CYP4Z1: variants seen among roughly 807,000 people sequenced by gnomAD.
CYP4Z1 encodes cytochrome P450 family 4 subfamily Z member 1.
In CYP4Z1, 41 loss-of-function variants were observed where a neutral mutation model predicts 54.2. The observed-to-expected ratio is 0.76, with a 90% CI of 0.59 to 0.98. CYP4Z1 has a LOEUF of 0.98. Ranked by LOEUF, CYP4Z1 falls within the 50% of genes least tolerant of loss-of-function variation. The probability of loss-of-function intolerance (pLI) is 0.00; values close to 1 mark genes in which losing one functional copy is unlikely to be tolerated. For synonymous variants in CYP4Z1, 163 were observed against 206.2 expected (o/e 0.79, Z 1.79); for missense variants, 513 against 599.0 (o/e 0.86, Z 1.50).
chr1:47,072,950 G>T (rs1324916134), intron 2 of CYP4Z1, among the ~76,000 whole-genome samples: 3 of 152,072 alleles, frequency 2.0e-5, no homozygotes, highest in Admixed American at 6.5e-5. Flanking sequence ...ATACACATAA[G>T]GTTTGCCATT....
At chr1:47,064,401 C>T (rs1455160380), upstream of CYP4Z1, among the ~76,000 whole-genome samples, 3 of 151,894 alleles carry the variant, frequency 2.0e-5, no homozygotes, top group Non-Finnish European at 4.4e-5. Context: ...TTTTTAGCCT[C>T]CTTAAACAAA....
intron 8 of CYP4Z1, among the ~76,000 whole-genome samples, chr1:47,105,864 C>T (rs1110425): frequency 0.43 from 65,362 of 151,852 alleles, 15,420 homozygotes; most frequent in East Asian, 0.96. Context: ...ATGTGTGATA[C>T]TGGTCACAGG....
chr1:47,098,426 G>C (rs1404017470), intron 7 of CYP4Z1, among the ~76,000 whole-genome samples: 1 of 152,184 alleles, frequency 6.6e-6, no homozygotes. Context: ...ATTACCTGTT[G>C]TTGGTGGAAA....
At chr1:47,056,958 C>A in the CYP4Z1 span, among the ~76,000 whole-genome samples, 1 of 151,978 alleles carries the variant, frequency 6.6e-6, no homozygotes, top group South Asian at 2.1e-4. Context: ...TTGATCCTGT[C>A]ATTATGATGT....
Position 47,082,245 on chromosome 1 carries a change from T to A in CYP4Z1, c.365-89T>A, listed in dbSNP as rs1318260211. The A allele has an allele frequency of 2.2e-5, 33 of 1,484,496 alleles. No homozygotes were observed. The South Asian group carries it at 4.3e-4, about 19-fold the overall frequency. The allele number at this position is 1,484,496 out of a possible 1,614,324, so 92.0% of individuals were successfully genotyped here. On this transcript the variant is annotated intron_variant, in intron 3 of 11. Transcript: ENST00000334194. ...TGTCCACTCTAACTTTTCTCCAGTG[T>A]CATAGATAGGGAATTGCTCACTGCG...
intron 6 of CYP4Z1, among the ~76,000 whole-genome samples, chr1:47,093,271 CCTT>C (rs1644652958): frequency 6.7e-6 from 1 of 148,674 alleles, no homozygotes; most frequent in African/African-American, 2.6e-5. Context: ...AGGGGAGCAT[CCTT>C]CTGGCTGTTT....
upstream of CYP4Z1, among the ~76,000 whole-genome samples, chr1:47,062,619 A>G (rs1310492583): frequency 6.6e-6 from 1 of 152,016 alleles, no homozygotes; most frequent in East Asian, 1.9e-4. Context: ...AGACAGCCAT[A>G]ATACCCCTGG....
chr1:47,084,688 C>A lies in CYP4Z1; in HGVS notation c.561C>A (p.Thr187=). Residue 187 remains threonine, a synonymous_variant, in exon 5 of 12, where the codon ACC becomes ACA. Coordinates refer to ENST00000334194, the MANE Select transcript of CYP4Z1 (RefSeq NM_178134.3). ...LELFQHVSLM[T]LDSIMKCAFS... is the part of the protein sequence containing the mutation. ...TCTTTCAACATGTCTCCCTGATGAC[C>A]CTGGACAGCATCATGAAGTGTGCCT... 1 of 1,611,534 alleles carries A rather than the reference C, an allele frequency of 6.2e-7. No homozygotes were observed. Among genetic ancestry groups the A allele is most frequent in the Non-Finnish European group, 8.5e-7 (1 of 1,179,378 alleles).
chr1:47,101,532 G>A (rs1376584366), intron 8 of CYP4Z1, among the ~76,000 whole-genome samples: 3 of 151,880 alleles, frequency 2.0e-5, no homozygotes, highest in Non-Finnish European at 4.4e-5. Flanking sequence ...GAATGTTGTT[G>A]AATTTCCATG....
intron 7 of CYP4Z1, among the ~76,000 whole-genome samples, chr1:47,097,387 GC>G (rs1644686203): frequency 6.6e-6 from 1 of 152,100 alleles, no homozygotes; most frequent in African/African-American, 2.4e-5. Flanking sequence ...TGAAGTCTTT[GC>G]CCATGCCTAT....
At chr1:47,105,887 A>G (rs1382790942) in intron 8 of CYP4Z1, among the ~76,000 whole-genome samples, 4 of 150,796 alleles carry the variant, frequency 2.7e-5, no homozygotes, top group Non-Finnish European at 5.9e-5. Flanking sequence ...CCCTGGAATA[A>G]GTATGTCTCA....
chr1:47,094,029 C>T (rs1252800825), intron 6 of CYP4Z1, among the ~76,000 whole-genome samples: 3 of 152,152 alleles, frequency 2.0e-5, no homozygotes, highest in African/African-American at 7.2e-5. Context: ...ATTGCTGTGG[C>T]TAGCATTCCC....
Position 47,099,265 on chromosome 1 carries a change from G to T in CYP4Z1, c.1048G>T (p.Asp350Tyr). 6.2e-7 allele frequency: 1 copy of T among 1,610,540 alleles called. No homozygotes were observed. The highest frequency in any genetic ancestry group is 8.5e-7 in the Non-Finnish European group (1 of 1,178,872). The change falls in exon 8 of 12, where the codon GAT becomes TAT. Residue 350 changes from aspartate (D) to tyrosine (Y), a missense_variant. By Grantham distance (160) the Asp-to-Tyr change is radical. Coordinates refer to ENST00000334194, the MANE Select transcript of CYP4Z1 (RefSeq NM_178134.3). ...CRDEIRELLG[D>Y]GSSITWEHLS... ...AGATGAAATCAGGGAACTCCTAGGGGATGGGTCTTCTATTACCTGGTAAGA... is the reference window on the plus strand; with the variant it reads ...AGATGAAATCAGGGAACTCCTAGGGTATGGGTCTTCTATTACCTGGTAAGA...
chr1:47,067,620 C>A lies in CYP4Z1; in HGVS notation c.130C>A (p.His44Asn). 1.2e-6 allele frequency: 2 copies of A among 1,612,644 alleles called. No individual in the cohort carries two copies. Among genetic ancestry groups the A allele is most frequent in the Non-Finnish European group, 1.7e-6 (2 of 1,179,198 alleles). ...QRRRWMIRAL[H>N]LFPAPPAHWF... is the part of the protein sequence containing the mutation. ...GAGGAGATGGATGATCAGAGCCCTG[C>A]ACCTGTTTCCTGCACCCCCTGCCCA... Residue 44 changes from histidine (H) to asparagine (N), a missense_variant, in exon 1 of 12, where the codon CAC becomes AAC. Coordinates refer to ENST00000334194, the MANE Select transcript of CYP4Z1 (RefSeq NM_178134.3).
chr1:47,107,141 A>T lies in CYP4Z1; in HGVS notation c.1201+880A>T, dbSNP rs536720972. 8.5e-5 allele frequency among the ~76,000 whole-genome samples: 13 copies of T among 152,344 alleles called. No individual in the cohort carries two copies. In the South Asian group the frequency reaches 2.3e-3, roughly 27 times the overall value. ...AAAAACTATTTAGTACTTACTAGGG[A>T]CTAAGCATTGTTCCATATGTTTTGC... is the stretch of plus-strand genomic sequence containing the variant. On this transcript the variant is annotated intron_variant, in intron 9 of 11. Transcript: ENST00000334194.
chr1:47,106,013 C>G (rs1644754333), intron 8 of CYP4Z1, 115 bp from the exon 9 acceptor site: 2 of 1,320,392 alleles, frequency 1.5e-6, no homozygotes, highest in Non-Finnish European at 2.1e-6. Flanking sequence ...TGAAGTCCTC[C>G]TTTGGGTAAA....
chr1:47,105,741 A>T (rs1443237788), intron 8 of CYP4Z1, among the ~76,000 whole-genome samples: 1 of 152,232 alleles, frequency 6.6e-6, no homozygotes, highest in Non-Finnish European at 1.5e-5. Context: ...TCTTAGAGCC[A>T]CATCCCTATT....
In CYP4Z1 at chr1:47,111,704, A is replaced by G. The variant is rs187342995; in HGVS notation, c.1202-3825A>G. ...CTTTCCTTTTAAGTACACCAGCAAC[A>G]TTGCTTAAAGTTGACTGTATACTAG... On this transcript the variant is annotated intron_variant, in intron 9 of 11. Transcript: ENST00000334194. 4.2e-3 allele frequency among the ~76,000 whole-genome samples: 633 copies of G among 152,356 alleles called. 3 individuals are homozygous for G. Among genetic ancestry groups the G allele is most frequent in the African/African-American group, 0.014 (584 of 41,586 alleles).
chr1:47,113,049 G>A (rs893785067), intron 9 of CYP4Z1, among the ~76,000 whole-genome samples: 2 of 150,990 alleles, frequency 1.3e-5, no homozygotes, highest in African/African-American at 4.9e-5. Context: ...AAACTTCTCA[G>A]TGATCCATAA....
Sources: allele counts gnomAD v4.1 joint callset (sites outside exome capture counted in the v4.1 genomes callset), GRCh38; gene constraint gnomAD v4.1.1; transcripts MANE v1.5; gene names NCBI Gene and HGNC (gene_info 2026-07-23, HGNC 2026-07-21).